OR2V2: variants seen among roughly 807,000 people sequenced by gnomAD.
The protein encoded by OR2V2 is olfactory receptor 2V2.
For synonymous variants in OR2V2, 161 were observed against 151.3 expected, an observed-to-expected ratio of 1.06 and a Z score of -0.47; for missense variants, 392 against 392.2, an observed-to-expected ratio of 1.00 and a Z score of 0.00.
At chr5:181,152,456 G>A (rs1763203845) in intron 1 of OR2V2, among the ~76,000 whole-genome samples, 1 of 152,160 alleles carries the variant, frequency 6.6e-6, no homozygotes. Context: ...TGCTTTTGCT[G>A]AAGAGTGGCA....
At position 181,154,938 on chromosome 5, in the gene OR2V2, G is replaced by A. The variant is rs756927991; in HGVS notation, c.-5G>A. On this transcript the variant is annotated 5_prime_UTR_variant, in exon 2 of 2. Coordinates refer to ENST00000641492, the MANE Select transcript of OR2V2 (RefSeq NM_206880.2). ...TCTCAGGTGACCAGGAGCAACAACC[G>A]AGCCATGGAGACGTGGGTGAACCAG... 20 of 1,605,026 alleles carry A rather than the reference G, an allele frequency of 1.2e-5. No individual in the cohort carries two copies. The East Asian group carries it at 1.3e-4, about 11-fold the overall frequency.
intron 1 of OR2V2, among the ~76,000 whole-genome samples, chr5:181,153,702 T>A (rs989660231): frequency 6.6e-6 from 1 of 151,974 alleles, no homozygotes; most frequent in African/African-American, 2.4e-5. Flanking sequence ...ACAAAATAAT[T>A]CTTGGCTAAA....
In OR2V2 at chr5:181,155,043, C is replaced by A; in HGVS notation, c.101C>A (p.Ala34Glu). The change falls in exon 2 of 2, where the codon GCG becomes GAG. Residue 34 changes from alanine (A) to glutamate (E), a missense_variant. Physicochemically the swap from Ala to Glu is moderately radical, Grantham distance 107. Transcript: ENST00000641492. The stretch of plus-strand genomic sequence containing the variant: ...CTTGTCCTCTTCTCCGTGGTTATGG[C>A]GGTCTTCACAGTGGCCCTCTGTGGG... ...ADLVLFSVVM[A>E]VFTVALCGNV... 1 of 1,613,200 alleles carries A rather than the reference C, an allele frequency of 6.2e-7. No homozygotes were observed. Among genetic ancestry groups the A allele is most frequent in the Non-Finnish European group, 8.5e-7 (1 of 1,179,142 alleles).
At position 181,155,601 on chromosome 5, in the gene OR2V2, C is replaced by G. The variant is rs757469535; in HGVS notation, c.659C>G (p.Ala220Gly). 3.1e-6 allele frequency: 5 copies of G among 1,614,216 alleles called. No homozygotes were observed. Among genetic ancestry groups the G allele is most frequent in the Non-Finnish European group, 4.2e-6 (5 of 1,180,040 alleles). Reference protein sequence around the residue: ...FPFSIIVASYAHILGTVLQMH... With the variant: ...FPFSIIVASYGHILGTVLQMH... ...TTCTCCATCATCGTGGCCTCCTATG[C>G]TCACATTCTAGGGACTGTGCTGCAA... Residue 220 changes from alanine to glycine, a missense_variant, in exon 2 of 2, where the codon GCT becomes GGT. Transcript: ENST00000641492.
chr5:181,158,923 T>G lies in OR2V2; in HGVS notation c.*3033T>G, dbSNP rs994108551. On this transcript the variant is annotated 3_prime_UTR_variant, in exon 2 of 2. Transcript: ENST00000641492. ...CATTGCAATCAGTTAGGTCAATGTT[T>G]TGTGTGTGTGTGTGAATATAAAAAA... 10 of 151,860 alleles carry G rather than the reference T, an allele frequency of 6.6e-5. No homozygotes were observed. The highest frequency in any genetic ancestry group is 2.2e-4 in the African/African-American group (9 of 41,266). The allele number at this position is 151,860 out of a possible 1,614,324, so 9.4% of individuals were successfully genotyped here. A position where few individuals can be genotyped will look rare whatever the true frequency, so the allele number is the denominator to read the frequency against.
At chr5:181,154,185 A>G (rs1582196549) in intron 1 of OR2V2, among the ~76,000 whole-genome samples, 1 of 151,932 alleles carries the variant, frequency 6.6e-6, no homozygotes, top group Non-Finnish European at 1.5e-5. Flanking sequence ...CTGAGGAGCA[A>G]CTCCTGTTTC....
chr5:181,148,259 C>G (rs1353704161), intron 1 of OR2V2, among the ~76,000 whole-genome samples: 1 of 152,188 alleles, frequency 6.6e-6, no homozygotes, highest in Admixed American at 6.5e-5. Flanking sequence ...CTGTCCCCCT[C>G]CCTCTGTCTG....
chr5:181,155,826 A>G lies in OR2V2; in HGVS notation c.884A>G (p.Asn295Ser). 1 of 1,614,118 alleles carries G rather than the reference A, an allele frequency of 6.2e-7. No individual in the cohort carries two copies. The highest frequency in any genetic ancestry group is 1.3e-5 in the African/African-American group (1 of 75,040). Reference protein sequence around the residue: ...MLNPLIYSLRNREVMGALRKG... With the variant: ...MLNPLIYSLRSREVMGALRKG... ...AACCCCCTCATTTACAGCTTGAGGAACAGGGAGGTGATGGGGGCACTGAGG... is the reference window on the plus strand; with the variant it reads ...AACCCCCTCATTTACAGCTTGAGGAGCAGGGAGGTGATGGGGGCACTGAGG... The change falls in exon 2 of 2, where the codon AAC becomes AGC. Residue 295 changes from asparagine (N) to serine (S), a missense_variant. Transcript: ENST00000641492.
chr5:181,155,739 A>T lies in OR2V2; in HGVS notation c.797A>T (p.Tyr266Phe). 6.2e-7 allele frequency: 1 copy of T among 1,614,158 alleles called. No individual in the cohort carries two copies. Among genetic ancestry groups the T allele is most frequent in the Non-Finnish European group, 8.5e-7 (1 of 1,180,032 alleles). The change falls in exon 2 of 2, where the codon TAC becomes TTC. Residue 266 changes from tyrosine (Y) to phenylalanine (F), a missense_variant. By Grantham distance (22) the Tyr-to-Phe change is conservative. Transcript: ENST00000641492. ...AMFIYLRPRH[Y>F]RAPSHDKVAS... Reference sequence around the variant, plus strand: ...TTCATCTACCTGAGGCCTAGGCACTACCGGGCCCCCAGCCATGACAAGGTG... The same window carrying T: ...TTCATCTACCTGAGGCCTAGGCACTTCCGGGCCCCCAGCCATGACAAGGTG...
chr5:181,154,433 C>CA (rs1211832905), intron 1 of OR2V2, among the ~76,000 whole-genome samples: 2 of 151,938 alleles, frequency 1.3e-5, no homozygotes, highest in Non-Finnish European at 2.9e-5. Flanking sequence ...ACTAAAAATA[C>CA]AAAAAAATTA....
chr5:181,154,080 T>G lies in OR2V2; in HGVS notation c.-24-839T>G, dbSNP rs185410816. Among the ~76,000 whole-genome samples, 6 of 152,310 alleles carry G rather than the reference T, an allele frequency of 3.9e-5. No homozygotes were observed. In the East Asian group the frequency reaches 9.6e-4, roughly 24 times the overall value. The stretch of plus-strand genomic sequence containing the variant: ...CCATCGCAACTCTTCCTTTCTCACG[T>G]GGGGCACAACAGGAGAACATCCTTT... On this transcript the variant is annotated intron_variant, in intron 1 of 1. Coordinates refer to ENST00000641492, the MANE Select transcript of OR2V2 (RefSeq NM_206880.2).
chr5:181,152,926 T>C (rs1444187371), intron 1 of OR2V2, among the ~76,000 whole-genome samples: 2 of 152,232 alleles, frequency 1.3e-5, no homozygotes, highest in African/African-American at 4.8e-5. Context: ...TGTGTTATTC[T>C]GTTTTAAGCT....
At chr5:181,150,647 C>T (rs1301772708) in intron 1 of OR2V2, among the ~76,000 whole-genome samples, 1 of 152,186 alleles carries the variant, frequency 6.6e-6, no homozygotes, top group African/African-American at 2.4e-5. Flanking sequence ...CTGCTGTTCT[C>T]AGGACACTCA....
At chr5:181,150,770 G>A (rs1268553229) in intron 1 of OR2V2, among the ~76,000 whole-genome samples, 1 of 152,114 alleles carries the variant, frequency 6.6e-6, no homozygotes, top group East Asian at 1.9e-4. Flanking sequence ...GAGATCAGGA[G>A]TTCAAGACCA....
rs538474822 is a variant in OR2V2, at chr5:181,156,164, T to G, written c.*274T>G. The stretch of plus-strand genomic sequence containing the variant: ...CTCTGTCACCCAGGCTAGAGTGCAG[T>G]GACACAATCTCGGCTTATAGCAGCC... On this transcript the variant is annotated 3_prime_UTR_variant, in exon 2 of 2. Coordinates refer to ENST00000641492, the MANE Select transcript of OR2V2 (RefSeq NM_206880.2). The G allele has an allele frequency of 4.1e-4, 154 of 376,784 alleles. No individual in the cohort carries two copies. Among genetic ancestry groups the G allele is most frequent in the African/African-American group, 3.0e-3 (147 of 48,630 alleles). 23.3% of individuals were successfully genotyped at this position (376,784 alleles called of 1,614,324 possible).
rs1763251439 is a variant in OR2V2 at position 181,155,489 on chromosome 5, C to T, written c.547C>T (p.Leu183=). Residue 183 remains leucine (L), a synonymous_variant, in exon 2 of 2, where the codon CTA becomes TTA. Transcript: ENST00000641492. The part of the protein sequence containing the change: ...RKVNHFFCEM[L]SLLKLACVDT... Reference sequence around the variant, plus strand: ...GGTGAACCATTTCTTCTGTGAGATGCTATCCTTGTTGAAGCTGGCCTGTGT... The same window carrying T: ...GGTGAACCATTTCTTCTGTGAGATGTTATCCTTGTTGAAGCTGGCCTGTGT... The T allele has an allele frequency of 2.5e-6, 4 of 1,614,080 alleles. No individual in the cohort carries two copies. The highest frequency in any genetic ancestry group is 3.4e-6 in the Non-Finnish European group (4 of 1,180,036).
rs1467357643 is a variant in OR2V2 at position 181,156,176 on chromosome 5, G to A, written c.*286G>A. Reference sequence around the variant, plus strand: ...GGCTAGAGTGCAGTGACACAATCTCGGCTTATAGCAGCCTTGATCTCCTGG... The same window carrying A: ...GGCTAGAGTGCAGTGACACAATCTCAGCTTATAGCAGCCTTGATCTCCTGG... On this transcript the variant is annotated 3_prime_UTR_variant, in exon 2 of 2. Transcript: ENST00000641492. The A allele has an allele frequency of 7.3e-5, 25 of 341,942 alleles. No individual in the cohort carries two copies. The highest frequency in any genetic ancestry group is 6.6e-5 in the East Asian group (1 of 15,224). The allele number at this position is 341,942 out of a possible 1,614,324, so 21.2% of individuals were successfully genotyped here. A position where few individuals can be genotyped will look rare whatever the true frequency, so the allele number is the denominator to read the frequency against.
At chr5:181,152,051 G>A (rs547859004) in intron 1 of OR2V2, among the ~76,000 whole-genome samples, 1 of 151,784 alleles carries the variant, frequency 6.6e-6, no homozygotes, top group African/African-American at 2.4e-5. Context: ...GAGAAGAGGC[G>A]GGGCTCTAGT....
chr5:181,155,006 A>C lies in OR2V2; in HGVS notation c.64A>C (p.Ser22Arg). The C allele has an allele frequency of 6.2e-7, 1 of 1,614,184 alleles. No individual in the cohort carries two copies. The highest frequency in any genetic ancestry group is 8.5e-7 in the Non-Finnish European group (1 of 1,180,038). The change falls in exon 2 of 2, where the codon AGT (serine) becomes CGT (arginine). Residue 22 changes from serine to arginine, a missense_variant. Transcript: ENST00000641492. The stretch of plus-strand genomic sequence containing the variant: ...CTTCCTCTTAGGCATCTTCTCCCAC[A>C]GTACTGCTGACCTTGTCCTCTTCTC... ...GFFLLGIFSH[S>R]TADLVLFSVV... is the part of the protein sequence containing the mutation.
Sources: gnomAD v4.1 joint callset for allele counts (sites outside exome capture counted in the v4.1 genomes callset) on GRCh38, gnomAD v4.1.1 for gene constraint, MANE v1.5 for transcripts, NCBI Gene and HGNC (gene_info 2026-07-23, HGNC 2026-07-21) for gene names.